DLGAP1: variants seen among roughly 807,000 people sequenced by gnomAD.
DLGAP1 encodes the protein DLG associated protein 1, also known as disks large-associated protein 1.
In DLGAP1, 11 loss-of-function variants were observed where a neutral mutation model predicts 90.8. The observed-to-expected ratio is 0.12, with a 90% CI of 0.08 to 0.20. The LOEUF is 0.20. Ranked by LOEUF, DLGAP1 falls within the 10% of genes least tolerant of loss-of-function variation. The pLI is 1.00. For synonymous variants in DLGAP1, 558 were observed against 540.7 expected (o/e 1.03, Z -0.44); for missense variants, 1,050 against 1,333.8 (o/e 0.79, Z 3.31).
chr18:3,857,538 C>T (rs1045210696), intron 4 of DLGAP1, among the ~76,000 whole-genome samples: 2 of 152,190 alleles, frequency 1.3e-5, no homozygotes, highest in African/African-American at 2.4e-5. Context: ...AGTTCACGAT[C>T]AAGCTTTCCA....
At chr18:3,607,876 G>T (rs562969741) in intron 7 of DLGAP1, 1 of 152,322 alleles carries the variant, frequency 6.6e-6, no homozygotes, top group South Asian at 2.1e-4. Context: ...CAGACAAAGA[G>T]ATGAGAAGGG....
At chr18:4,115,863 C>T (rs977436998) in intron 2 of DLGAP1, among the ~76,000 whole-genome samples, 1 of 152,252 alleles carries the variant, frequency 6.6e-6, no homozygotes, top group East Asian at 1.9e-4. Flanking sequence ...ATTATAAACT[C>T]ACTAATATAA....
intron 2 of DLGAP1, among the ~76,000 whole-genome samples, chr18:4,052,551 C>T (rs1457930334): frequency 1.3e-5 from 2 of 152,158 alleles, no homozygotes; most frequent in Non-Finnish European, 2.9e-5. Context: ...TTTTTCTCTC[C>T]TAGTCCTCCA....
At chr18:3,883,176 G>A (rs1216337358) in intron 3 of DLGAP1, among the ~76,000 whole-genome samples, 5 of 152,252 alleles carry the variant, frequency 3.3e-5, no homozygotes, top group African/African-American at 9.6e-5. Context: ...TCCAGGAGGC[G>A]GAGGTTGCGG....
At chr18:4,163,722 C>T in intron 1 of DLGAP1, among the ~76,000 whole-genome samples, 1 of 152,204 alleles carries the variant, frequency 6.6e-6, no homozygotes, top group Non-Finnish European at 1.5e-5. Context: ...ATTTCCTTTG[C>T]TTCCATCATG....
chr18:3,652,306 A>G (rs2059341137), intron 7 of DLGAP1, among the ~76,000 whole-genome samples: 1 of 152,144 alleles, frequency 6.6e-6, no homozygotes, highest in African/African-American at 2.4e-5. Context: ...GGCTTGTCAT[A>G]CTATGAACAA....
At chr18:4,128,444 G>A (rs1224969113) in intron 2 of DLGAP1, among the ~76,000 whole-genome samples, 1 of 152,150 alleles carries the variant, frequency 6.6e-6, no homozygotes, top group Non-Finnish European at 1.5e-5. Flanking sequence ...AGGAATGACT[G>A]CATGTATCTC....
In DLGAP1 at chr18:3,742,957, C is replaced by CCTT. The variant is rs1231992205; in HGVS notation, c.1173-448_1173-446dup. The stretch of plus-strand genomic sequence containing the variant: ...TTTTATCTATCAATTTATCTTCCTT[C>CCTT]CTTCCTTCCTTCCTTCCTTCCTTCC... On this transcript the variant is annotated intron_variant, in intron 5 of 12. Transcript: ENST00000315677. Among the ~76,000 whole-genome samples, 6 of 113,960 alleles carry CCTT rather than the reference C, an allele frequency of 5.3e-5. No homozygotes were observed. In the East Asian group the frequency reaches 1.2e-3, roughly 23 times the overall value. 74.8% of individuals were successfully genotyped at this position (113,960 alleles called of 152,430 possible). A position where few individuals can be genotyped will look rare whatever the true frequency, so the allele number is the denominator to read the frequency against.
intron 5 of DLGAP1, among the ~76,000 whole-genome samples, chr18:3,807,900 C>T (rs1329960904): frequency 2.6e-5 from 4 of 152,158 alleles, no homozygotes; most frequent in Non-Finnish European, 5.9e-5. Flanking sequence ...TTTCAGTCTA[C>T]GCAGGCTTCC....
intron 7 of DLGAP1, among the ~76,000 whole-genome samples, chr18:3,628,527 C>T (rs1037084826): frequency 6.6e-6 from 1 of 152,108 alleles, no homozygotes; most frequent in African/African-American, 2.4e-5. Context: ...ATTCCGAAAC[C>T]ACCACGTAGG....
At chr18:4,398,039 T>G (rs949765939) in intron 1 of DLGAP1, among the ~76,000 whole-genome samples, 6 of 152,212 alleles carry the variant, frequency 3.9e-5, no homozygotes, top group African/African-American at 1.4e-4. Context: ...TTAAGGGGTA[T>G]GTACTCAGAT....
At chr18:3,937,141 C>T (rs761422095) in intron 3 of DLGAP1, among the ~76,000 whole-genome samples, 4 of 152,194 alleles carry the variant, frequency 2.6e-5, no homozygotes, top group African/African-American at 7.2e-5. Context: ...CCTCATGACT[C>T]GATGTGTGCT....
At chr18:4,229,802 CA>C (rs2078263587) in intron 1 of DLGAP1, among the ~76,000 whole-genome samples, 1 of 152,004 alleles carries the variant, frequency 6.6e-6, no homozygotes, top group Non-Finnish European at 1.5e-5. Context: ...GATGGGATTA[CA>C]TCAATTTAAA....
chr18:3,947,327 C>T (rs188092691), intron 3 of DLGAP1, among the ~76,000 whole-genome samples: 16 of 152,352 alleles, frequency 1.1e-4, no homozygotes, highest in African/African-American at 3.8e-4. Flanking sequence ...CTTGTCTGAT[C>T]ATGGTGCTGA....
chr18:3,554,054 A>G (rs1390132636), intron 9 of DLGAP1, among the ~76,000 whole-genome samples: 1 of 152,116 alleles, frequency 6.6e-6, no homozygotes, highest in East Asian at 1.9e-4. Context: ...TGTTATTTGG[A>G]AGGAAATGGG....
At chr18:3,762,786 C>T (rs1341429324) in intron 5 of DLGAP1, among the ~76,000 whole-genome samples, 1 of 152,186 alleles carries the variant, frequency 6.6e-6, no homozygotes, top group South Asian at 2.1e-4. Flanking sequence ...ACATGACCCT[C>T]CACTCCTCTT....
intron 1 of DLGAP1, among the ~76,000 whole-genome samples, chr18:4,436,121 G>A (rs1243750064): frequency 6.6e-6 from 1 of 152,154 alleles, no homozygotes; most frequent in African/African-American, 2.4e-5. Flanking sequence ...CCAGGGAAGC[G>A]ATCTGGAAAG....
chr18:3,999,787 G>A (rs1235929866), intron 3 of DLGAP1, among the ~76,000 whole-genome samples: 1 of 152,082 alleles, frequency 6.6e-6, no homozygotes, highest in East Asian at 1.9e-4. Context: ...GTGCGCATGT[G>A]TTCTCTCTCT....
In DLGAP1 at chr18:3,546,788, C is replaced by T. The variant is rs557678966; in HGVS notation, c.2058-12173G>A. On this transcript the variant is annotated intron_variant, in intron 9 of 12. Transcript: ENST00000315677. ...AAAGAATTAAGGTTTCAAATCAATGCTCAGCTTCCACCTTAAACTAAAAAT... is the reference window on the plus strand; with the variant it reads ...AAAGAATTAAGGTTTCAAATCAATGTTCAGCTTCCACCTTAAACTAAAAAT... Among the ~76,000 whole-genome samples the T allele has an allele frequency of 3.9e-5, 6 of 152,204 alleles. No individual in the cohort carries two copies. The South Asian group carries it at 1.2e-3, about 32-fold the overall frequency.
Sources: allele counts gnomAD v4.1 joint callset (sites outside exome capture counted in the v4.1 genomes callset), GRCh38; gene constraint gnomAD v4.1.1; transcripts MANE v1.5; gene names NCBI Gene and HGNC (gene_info 2026-07-23, HGNC 2026-07-21).